The following COG6 variants were observed in gnomAD, a reference collection of about 807,000 sequenced individuals.
COG6 encodes the protein conserved oligomeric Golgi complex subunit 6.
COG6 carries 74 observed loss-of-function variants against 88.8 expected under a neutral mutation model. The observed-to-expected ratio is 0.83, with a 90% CI of 0.69 to 1.01. The LOEUF is 1.01. Ranked by LOEUF, COG6 falls within the 50% of genes least tolerant of loss-of-function variation. The pLI, the probability that COG6 is intolerant of heterozygous loss-of-function variation, is 0.00. For missense variants in COG6, 800 were observed against 797.9 expected (o/e 1.00, Z -0.03); for synonymous variants, 286 against 278.7 (o/e 1.03, Z -0.26).
chr13:39,707,228 A>G (rs189349787), intron 13 of COG6, among the ~76,000 whole-genome samples: 3,878 of 151,434 alleles, frequency 0.026, 177 homozygotes, highest in African/African-American at 0.089. Context: ...TCCCGGGTTC[A>G]AGTGATTCTC....
intron 1 of COG6, among the ~76,000 whole-genome samples, chr13:39,657,902 G>A (rs1387122276): frequency 6.6e-6 from 1 of 152,068 alleles, no homozygotes; most frequent in Non-Finnish European, 1.5e-5. Flanking sequence ...TGTAGAATTA[G>A]TTGTCTATAC....
At chr13:39,660,495 A>C (rs929105445) in intron 2 of COG6, among the ~76,000 whole-genome samples, 2 of 152,234 alleles carry the variant, frequency 1.3e-5, no homozygotes, top group Non-Finnish European at 2.9e-5. Flanking sequence ...CTGGCCAAAC[A>C]TAAGACTATT....
chr13:39,779,605 C>T (rs1341341410), intron 18 of COG6, among the ~76,000 whole-genome samples: 1 of 152,176 alleles, frequency 6.6e-6, no homozygotes, highest in African/African-American at 2.4e-5. Flanking sequence ...CACCCAGGGT[C>T]CTGCTGAAAT....
At chr13:39,677,410 T>C (rs1876036076) in intron 4 of COG6, 58 bp from the exon 5 acceptor site, 5 of 942,986 alleles carry the variant, frequency 5.3e-6, no homozygotes, top group African/African-American at 1.6e-5. Context: ...GAATTTGTTT[T>C]AAAGCTATGC....
At chr13:39,672,287 G>C (rs1253190112) in intron 4 of COG6, among the ~76,000 whole-genome samples, 1 of 151,868 alleles carries the variant, frequency 6.6e-6, no homozygotes, top group Admixed American at 6.6e-5. Context: ...CATCTTTGTT[G>C]AGATATAATT....
chr13:39,768,005 A>G (rs1881216217), intron 18 of COG6, among the ~76,000 whole-genome samples: 1 of 152,272 alleles, frequency 6.6e-6, no homozygotes, highest in South Asian at 2.1e-4. Flanking sequence ...GGGTTTCCAC[A>G]TGCTGTCCAT....
intron 18 of COG6, among the ~76,000 whole-genome samples, chr13:39,750,054 C>G (rs937070288): frequency 6.6e-6 from 1 of 152,060 alleles, no homozygotes; most frequent in Non-Finnish European, 1.5e-5. Flanking sequence ...CATTGTTATG[C>G]CATTAACAGA....
chr13:39,672,542 A>G (rs1046751973), intron 4 of COG6, among the ~76,000 whole-genome samples: 5 of 152,028 alleles, frequency 3.3e-5, no homozygotes, highest in Admixed American at 2.6e-4. Context: ...CTTTTTCCAC[A>G]TAGATAAACA....
chr13:39,760,186 T>G (rs1880966517), intron 18 of COG6, among the ~76,000 whole-genome samples: 1 of 152,180 alleles, frequency 6.6e-6, no homozygotes, highest in Non-Finnish European at 1.5e-5. Flanking sequence ...CGAGTCTTTC[T>G]GGGGGTATCA....
intron 13 of COG6, among the ~76,000 whole-genome samples, chr13:39,713,381 C>A (rs1340352617): frequency 6.6e-6 from 1 of 152,084 alleles, no homozygotes; most frequent in East Asian, 1.9e-4. Flanking sequence ...GGTCTCTTCC[C>A]TAAGGGAGAT....
chr13:39,700,765 C>T (rs9548887), intron 13 of COG6, among the ~76,000 whole-genome samples: 27,806 of 151,722 alleles, frequency 0.18, 3,111 homozygotes, highest in Non-Finnish European at 0.25. Flanking sequence ...TTATGAAAGA[C>T]ATGTGCCTAG....
chr13:39,720,475 A>G (rs1324079839), intron 15 of COG6, among the ~76,000 whole-genome samples: 2 of 152,162 alleles, frequency 1.3e-5, no homozygotes, highest in East Asian at 1.9e-4. Context: ...GCTATCACAC[A>G]TATATCAACA....
Position 39,699,948 on chromosome 13 carries a change from G to C in COG6, c.1284+330G>C, listed in dbSNP as rs1877485517. Among the ~76,000 whole-genome samples, 3 of 151,746 alleles carry C rather than the reference G, an allele frequency of 2.0e-5. No homozygotes were observed. The South Asian group carries it at 6.2e-4, about 31-fold the overall frequency. On this transcript the variant is annotated intron_variant, in intron 13 of 18. Coordinates refer to ENST00000455146, the MANE Select transcript of COG6 (RefSeq NM_020751.3). ...AGATGACATACAGATTGGAAAACCAGAACTCTTACAAAATATTTTTTCCAA... is the reference window on the plus strand; with the variant it reads ...AGATGACATACAGATTGGAAAACCACAACTCTTACAAAATATTTTTTCCAA...
intron 18 of COG6, among the ~76,000 whole-genome samples, chr13:39,787,750 A>T (rs1881818704): frequency 6.6e-6 from 1 of 152,218 alleles, no homozygotes; most frequent in African/African-American, 2.4e-5. Context: ...ACGACATTAA[A>T]ACATTTTTTA....
intron 11 of COG6, among the ~76,000 whole-genome samples, chr13:39,692,641 CTCTT>C (rs1877045618): frequency 6.6e-6 from 1 of 151,996 alleles, no homozygotes; most frequent in African/African-American, 2.4e-5. Flanking sequence ...CAAACCCACT[CTCTT>C]TCTCTTGCTC....
intron 4 of COG6, among the ~76,000 whole-genome samples, chr13:39,666,590 A>G (rs1875286033): frequency 1.1e-5 from 1 of 90,852 alleles, no homozygotes; most frequent in African/African-American, 3.3e-5. Context: ...TGATCTTGAC[A>G]TTCTTTTATT....
intron 8 of COG6, among the ~76,000 whole-genome samples, chr13:39,686,891 G>A (rs1041811090): frequency 6.6e-6 from 1 of 151,586 alleles, no homozygotes; most frequent in Non-Finnish European, 1.5e-5. Flanking sequence ...CACCATGCCT[G>A]GCTATTTTTT....
chr13:39,786,558 G>T (rs1881779020), intron 18 of COG6, among the ~76,000 whole-genome samples: 5 of 152,172 alleles, frequency 3.3e-5, no homozygotes, highest in Admixed American at 2.6e-4. Flanking sequence ...TTGAAACAAG[G>T]TTTGCAGAGA....
chr13:39,716,038 A>G (rs1423978824), intron 13 of COG6, among the ~76,000 whole-genome samples: 1 of 151,952 alleles, frequency 6.6e-6, no homozygotes, highest in Non-Finnish European at 1.5e-5. Flanking sequence ...TTAAGTTCAC[A>G]TTTATTTGAA....
Sources: gnomAD v4.1 joint callset for allele counts (sites outside exome capture counted in the v4.1 genomes callset) on GRCh38, gnomAD v4.1.1 for gene constraint, MANE v1.5 for transcripts, NCBI Gene and HGNC (gene_info 2026-07-23, HGNC 2026-07-21) for gene names.